Variants in GPLD1 observed in about 807,000 individuals in gnomAD.
GPLD1 encodes glycosylphosphatidylinositol specific phospholipase D1.
Under a neutral mutation model 112.6 loss-of-function variants are expected in GPLD1, and 84 were observed. The ratio of observed to expected loss-of-function variants is 0.75; its 90% CI spans 0.63 to 0.89. The LOEUF (loss-of-function observed/expected upper bound fraction) is 0.89. Among genes scored for constraint, GPLD1 ranks in the 40% least tolerant of loss-of-function variants. The pLI, the probability that GPLD1 is intolerant of heterozygous loss-of-function variation, is 0.00. For missense variants in GPLD1, 1,044 were observed against 1,051.5 expected (o/e 0.99, Z 0.10); for synonymous variants, 386 against 403.8 (o/e 0.96, Z 0.53).
intron 1 of GPLD1, chr6:24,494,948 T>TGCGC (rs1285587770): frequency 7.8e-7 from 1 of 1,281,010 alleles, no homozygotes; most frequent in African/African-American, 1.5e-5. Context: ...TGCGTTCCCG[T>TGCGC]GCGCGCGCGC....
chr6:24,434,643 G>A (rs113516844), intron 22 of GPLD1, among the ~76,000 whole-genome samples: 2 of 151,498 alleles, frequency 1.3e-5, no homozygotes, highest in Admixed American at 6.6e-5. Flanking sequence ...CAAGACCATC[G>A]TGGCTAACAC....
chr6:24,442,874 C>A (rs190466276), intron 20 of GPLD1, among the ~76,000 whole-genome samples: 126 of 152,132 alleles, frequency 8.3e-4, no homozygotes, highest in Non-Finnish European at 1.4e-3. Flanking sequence ...ACCCACCATG[C>A]CTGACCTTCT....
At chr6:24,467,075 C>A in intron 8 of GPLD1, 92 bp downstream of exon 8, 1 of 1,112,024 alleles carries the variant, frequency 9.0e-7, no homozygotes, top group South Asian at 1.3e-5. Flanking sequence ...TCCATAAATC[C>A]AAAATCCAGT....
rs1418141785 is a variant in GPLD1 at position 24,425,901 on chromosome 6, T to C, written c.*3131A>G. 3 of 152,250 alleles carry C rather than the reference T, an allele frequency of 2.0e-5. No homozygotes were observed. Among genetic ancestry groups the C allele is most frequent in the African/African-American group, 4.8e-5 (2 of 41,468 alleles). 9.4% of individuals were successfully genotyped at this position (152,250 alleles called of 1,614,324 possible). A position where few individuals can be genotyped will look rare whatever the true frequency, so the allele number is the denominator to read the frequency against. On this transcript the variant is annotated 3_prime_UTR_variant, in exon 25 of 25. Coordinates refer to ENST00000230036, the MANE Select transcript of GPLD1 (RefSeq NM_001503.4). The stretch of plus-strand genomic sequence containing the variant: ...TTGTATACAGCTTTATTTTTTGGAA[T>C]TGCAATATTAAAGTTGCACGTTGGA...
intron 9 of GPLD1, 30 bp downstream of exon 9, chr6:24,466,882 C>T: frequency 6.3e-7 from 1 of 1,599,430 alleles, no homozygotes; most frequent in Non-Finnish European, 8.6e-7. Context: ...CTTTATAATC[C>T]TTTAAGATTT....
At chr6:24,493,098 T>C (rs992998911), upstream of GPLD1, among the ~76,000 whole-genome samples, 7 of 151,952 alleles carry the variant, frequency 4.6e-5, no homozygotes, top group Non-Finnish European at 1.0e-4. Context: ...CTTAAAAAGG[T>C]AAGTGGGCTA....
At chr6:24,456,927 GT>G (rs2094554561) in intron 12 of GPLD1, among the ~76,000 whole-genome samples, 1 of 152,140 alleles carries the variant, frequency 6.6e-6, no homozygotes, top group African/African-American at 2.4e-5. Context: ...CTGGAGTGCA[GT>G]GGCACGATCT....
intron 24 of GPLD1, among the ~76,000 whole-genome samples, chr6:24,432,446 G>GA (rs1762435777): frequency 6.6e-6 from 1 of 151,816 alleles, no homozygotes; most frequent in Non-Finnish European, 1.5e-5. Flanking sequence ...AAAAGTTTTT[G>GA]AAAAAATAGC....
At position 24,455,525 on chromosome 6, in the gene GPLD1, GTTGTT is replaced by G. The variant is rs954081971; in HGVS notation, c.1148+968_1148+972del. The stretch of plus-strand genomic sequence containing the variant: ...CTTGGGGTTAGTTTTGTATGTTGTT[GTTGTT>G]TTGTTTTATTTTTTTATTTATTTTG... On this transcript the variant is annotated intron_variant, in intron 13 of 24. Coordinates refer to ENST00000230036, the MANE Select transcript of GPLD1 (RefSeq NM_001503.4). Among the ~76,000 whole-genome samples, 21 of 152,224 alleles carry G rather than the reference GTTGTT, an allele frequency of 1.4e-4. No homozygotes were observed. In the East Asian group the frequency reaches 1.9e-3, roughly 14 times the overall value.
At chr6:24,448,344 C>T (rs1762978080) in intron 15 of GPLD1, 136 bp from the exon 16 acceptor site, 1 of 385,688 alleles carries the variant, frequency 2.6e-6, no homozygotes, top group Non-Finnish European at 5.0e-6. Context: ...CTTTGGGAGG[C>T]CCAAGTGGGA....
chr6:24,456,832 C>T (rs1048595157), intron 12 of GPLD1, among the ~76,000 whole-genome samples, 195 bp from the exon 13 acceptor site: 13 of 152,092 alleles, frequency 8.5e-5, no homozygotes, highest in African/African-American at 3.1e-4. Flanking sequence ...AATCATACCC[C>T]CAAATTATGC....
At chr6:24,436,823 C>G in intron 21 of GPLD1, 87 bp from the exon 22 acceptor site, 1 of 1,315,026 alleles carries the variant, frequency 7.6e-7, no homozygotes, top group Non-Finnish European at 1.1e-6. Flanking sequence ...CTAACCCAAC[C>G]TCTTACAAAT....
chr6:24,447,564 T>C (rs990374160), intron 17 of GPLD1, among the ~76,000 whole-genome samples: 2 of 152,050 alleles, frequency 1.3e-5, no homozygotes, highest in Non-Finnish European at 2.9e-5. Flanking sequence ...ACAACAGCTA[T>C]GGACAGTCGA....
Position 24,449,886 on chromosome 6 carries a change from A to C in GPLD1, c.1349T>G (p.Phe450Cys), listed in dbSNP as rs756281049. The change falls in exon 15 of 25, where the codon TTT (phenylalanine) becomes TGT (cysteine). Residue 450 changes from phenylalanine (F) to cysteine (C), a missense_variant. Coordinates refer to ENST00000230036, the MANE Select transcript of GPLD1 (RefSeq NM_001503.4). ...GTCCAACACAGCCAAGGCCGAGCCA[A>C]ACCGACCTGAGGGCTGAAGAGGCAC... Reference protein sequence around the residue: ...ILEGFQPSGRFGSALAVLDFN... With the variant: ...ILEGFQPSGRCGSALAVLDFN... The C allele has an allele frequency of 1.1e-5, 18 of 1,613,424 alleles. No individual in the cohort carries two copies. The highest frequency in any genetic ancestry group is 1.5e-5 in the Non-Finnish European group (18 of 1,179,622).
At chr6:24,442,354 C>T (rs1282043192) in intron 20 of GPLD1, among the ~76,000 whole-genome samples, 1 of 149,424 alleles carries the variant, frequency 6.7e-6, no homozygotes, top group Non-Finnish European at 1.5e-5. Flanking sequence ...TTCTTGGGCT[C>T]AAGCAATCTT....
At chr6:24,441,365 G>C (rs1243899847) in intron 20 of GPLD1, among the ~76,000 whole-genome samples, 1 of 151,630 alleles carries the variant, frequency 6.6e-6, no homozygotes, top group East Asian at 1.9e-4. Context: ...GTGCCTTATA[G>C]CTGTGATTCC....
chr6:24,438,280 A>G (rs975456436), intron 20 of GPLD1, among the ~76,000 whole-genome samples: 1 of 152,226 alleles, frequency 6.6e-6, no homozygotes, highest in Non-Finnish European at 1.5e-5. Flanking sequence ...GAATTAATGA[A>G]TTTTGAACAA....
In GPLD1 at chr6:24,481,064, A is replaced by G. The variant is rs540253180; in HGVS notation, c.154-1105T>C. 5.9e-5 allele frequency among the ~76,000 whole-genome samples: 9 copies of G among 152,202 alleles called. No homozygotes were observed. The South Asian group carries it at 1.9e-3, about 32-fold the overall frequency. ...TGGCTTCTTATTTTACAAACCGTGT[A>G]TGAGACCGTTGAATTTGTAGCAAAT... On this transcript the variant is annotated intron_variant, in intron 2 of 24. Coordinates refer to ENST00000230036, the MANE Select transcript of GPLD1 (RefSeq NM_001503.4).
At chr6:24,464,725 C>G (rs1489656450) in intron 10 of GPLD1, among the ~76,000 whole-genome samples, 1 of 152,196 alleles carries the variant, frequency 6.6e-6, no homozygotes, top group Non-Finnish European at 1.5e-5. Flanking sequence ...GTCTCCCAGG[C>G]ACAGGTCCCG....
Sources: allele counts gnomAD v4.1 joint callset (sites outside exome capture counted in the v4.1 genomes callset), GRCh38; gene constraint gnomAD v4.1.1; transcripts MANE v1.5; gene names NCBI Gene and HGNC (gene_info 2026-07-23, HGNC 2026-07-21).